The following ANXA8 variants were observed in gnomAD, a reference collection of about 807,000 sequenced individuals.
ANXA8 encodes the protein annexin A8.
Under a neutral mutation model 26.8 loss-of-function variants are expected in ANXA8, and 9 were observed. That is an observed-to-expected ratio of 0.34 (90% confidence interval 0.20 to 0.59). ANXA8 has a LOEUF of 0.59. ANXA8 is among the 20% of genes least tolerant of loss of function. ANXA8 has a pLI of 0.84. For synonymous variants in ANXA8, 39 were observed against 94.8 expected, an observed-to-expected ratio of 0.41 and a Z score of 3.42; for missense variants, 83 against 238.5, an observed-to-expected ratio of 0.35 and a Z score of 4.29.
At chr10:47,665,054 A>G in the ANXA8 span, among the ~76,000 whole-genome samples, 28 of 147,480 alleles carry the variant, frequency 1.9e-4, no homozygotes, top group African/African-American at 5.8e-4. Context: ...AATCAAGATT[A>G]TTGTCTGAAT....
chr10:47,682,469 C>CTTTTTTTTTTTTTTTTTTTTT, the ANXA8 span, among the ~76,000 whole-genome samples: 1 of 121,652 alleles, frequency 8.2e-6, no homozygotes, highest in African/African-American at 3.4e-5. Flanking sequence ...CTTTCTTTTT[C>CTTTTTTTTTTTTTTTTTTTTT]TTTTTTTTTT....
At chr10:47,755,555 C>CTTTTTTTTTT in the ANXA8 span, among the ~76,000 whole-genome samples, 4 of 83,000 alleles carry the variant, frequency 4.8e-5, no homozygotes, top group African/African-American at 1.9e-4. Context: ...GTGCCCGGCC[C>CTTTTTTTTTT]TTTTTTTTTT....
chr10:47,684,248 G>T, the ANXA8 span, among the ~76,000 whole-genome samples: 7 of 152,218 alleles, frequency 4.6e-5, no homozygotes, highest in Non-Finnish European at 1.5e-5. Context: ...TGTATAATTT[G>T]GCTATCATAC....
chr10:47,937,592 A>AT, the ANXA8 span, among the ~76,000 whole-genome samples: 1 of 135,296 alleles, frequency 7.4e-6, no homozygotes. Flanking sequence ...CCCAACAGTT[A>AT]TTTTTCTGAT....
At chr10:47,533,187 A>ACACC in the ANXA8 span, among the ~76,000 whole-genome samples, 1 of 124,618 alleles carries the variant, frequency 8.0e-6, no homozygotes, top group Non-Finnish European at 1.6e-5. Context: ...AACACACATC[A>ACACC]CACACACACA....
At chr10:47,655,934 C>A in the ANXA8 span, among the ~76,000 whole-genome samples, 1 of 151,970 alleles carries the variant, frequency 6.6e-6, no homozygotes, top group African/African-American at 2.4e-5. Context: ...GCAGGAGAAT[C>A]GCTTGAACCT....
chr10:47,560,877 C>T, the ANXA8 span, among the ~76,000 whole-genome samples: 2 of 151,856 alleles, frequency 1.3e-5, no homozygotes, highest in Non-Finnish European at 2.9e-5. Context: ...GTGACCTGAG[C>T]GTAGCTCACT....
chr10:47,476,424 C>T (rs1839541430), intron 4 of ANXA8, 102 bp from the exon 5 acceptor site: 3 of 728,606 alleles, frequency 4.1e-6, no homozygotes, highest in South Asian at 1.9e-5. Flanking sequence ...AAGGACCTCA[C>T]TGCCCTGCCC....
the ANXA8 span, chr10:47,501,826 C>CAGAA: frequency 1.9e-4 from 111 of 583,308 alleles, no homozygotes; most frequent in East Asian, 3.7e-3. Flanking sequence ...ATACATAATA[C>CAGAA]AGAAGCCTGT....
At chr10:47,672,512 A>G in the ANXA8 span, among the ~76,000 whole-genome samples, 1 of 151,526 alleles carries the variant, frequency 6.6e-6, no homozygotes, top group African/African-American at 2.4e-5. Flanking sequence ...ATAATTTATA[A>G]AGAATCATAT....
chr10:47,776,959 C>A, the ANXA8 span, among the ~76,000 whole-genome samples: 5 of 151,452 alleles, frequency 3.3e-5, no homozygotes, highest in Non-Finnish European at 7.4e-5. Flanking sequence ...CCAGTGGAAA[C>A]GGAAAAGGCG....
At chr10:47,546,433 C>T in the ANXA8 span, among the ~76,000 whole-genome samples, 2 of 108,042 alleles carry the variant, frequency 1.9e-5, no homozygotes, top group African/African-American at 7.5e-5. Flanking sequence ...GACAGAGTCT[C>T]GCTCTGTTGC....
upstream of ANXA8, chr10:47,487,070 A>G: frequency 3.3e-6 from 2 of 609,898 alleles, no homozygotes; most frequent in Non-Finnish European, 2.9e-6. Context: ...TCAAGGTGAT[A>G]GACACCCCAA....
At chr10:47,584,073 G>A in the ANXA8 span, among the ~76,000 whole-genome samples, 4 of 145,584 alleles carry the variant, frequency 2.7e-5, no homozygotes, top group Non-Finnish European at 5.9e-5. Flanking sequence ...CCAGCTAGTC[G>A]GGAGGCTGAG....
chr10:47,483,526 A>G (rs1839922536), intron 1 of ANXA8, among the ~76,000 whole-genome samples: 1 of 135,982 alleles, frequency 7.4e-6, no homozygotes, highest in African/African-American at 3.0e-5. Flanking sequence ...CAGGAGCAGT[A>G]TGCCTGATTC....
the ANXA8 span, among the ~76,000 whole-genome samples, chr10:47,729,805 G>C: frequency 7.2e-6 from 1 of 138,916 alleles, no homozygotes; most frequent in South Asian, 2.3e-4. Flanking sequence ...AGAAAGAGTA[G>C]TTTACTTACC....
chr10:47,944,580 C>A, the ANXA8 span, among the ~76,000 whole-genome samples: 1 of 150,590 alleles, frequency 6.6e-6, no homozygotes, highest in Non-Finnish European at 1.5e-5. Flanking sequence ...GTAATTGTAT[C>A]ATGGGGGCAG....
chr10:47,673,107 G>A, the ANXA8 span, among the ~76,000 whole-genome samples: 3 of 150,840 alleles, frequency 2.0e-5, no homozygotes, highest in Non-Finnish European at 4.4e-5. Flanking sequence ...TGGTTTGACA[G>A]GTTAGGATCC....
At chr10:47,894,787 CCA>C in the ANXA8 span, among the ~76,000 whole-genome samples, 3 of 152,388 alleles carry the variant, frequency 2.0e-5, no homozygotes, top group South Asian at 4.1e-4. Flanking sequence ...TCACAGCACA[CCA>C]CACACACACC....
Sources: allele counts gnomAD v4.1 joint callset (sites outside exome capture counted in the v4.1 genomes callset), GRCh38; gene constraint gnomAD v4.1.1; transcripts MANE v1.5; gene names NCBI Gene and HGNC (gene_info 2026-07-23, HGNC 2026-07-21).